PPP1R2: variants seen among roughly 807,000 people sequenced by gnomAD.
PPP1R2 encodes protein phosphatase 1 regulatory inhibitor subunit 2.
PPP1R2 carries 16 observed loss-of-function variants against 29.9 expected under a neutral mutation model. The ratio of observed to expected loss-of-function variants is 0.53; its 90% CI spans 0.36 to 0.81. The LOEUF is 0.81. Among genes scored for constraint, PPP1R2 ranks in the 30% least tolerant of loss-of-function variants. PPP1R2 has a pLI of 0.00. For synonymous variants in PPP1R2, 76 were observed against 91.5 expected, an observed-to-expected ratio of 0.83 and a Z score of 0.96; for missense variants, 197 against 252.7, an observed-to-expected ratio of 0.78 and a Z score of 1.49.
intron 1 of PPP1R2, 35 bp downstream of exon 1, chr3:195,542,869 G>A (rs62288863): frequency 1.9e-6 from 3 of 1,580,094 alleles, no homozygotes; most frequent in African/African-American, 1.4e-5. Context: ...CCGGCGGGAA[G>A]GAGGGGCTCC....
At chr3:195,529,200 C>T (rs35792292) in intron 2 of PPP1R2, 119,395 of 152,082 alleles carry the variant, frequency 0.79, 47,078 homozygotes, top group East Asian at 0.99. Context: ...GTATCTATAC[C>T]TATTTAGAAT....
At chr3:195,533,519 T>C (rs1431911760) in intron 1 of PPP1R2, among the ~76,000 whole-genome samples, 2 of 152,198 alleles carry the variant, frequency 1.3e-5, no homozygotes, top group Non-Finnish European at 2.9e-5. Context: ...TCATACAAAA[T>C]GCCACTAGAG....
chr3:195,537,481 TTGTG>T (rs71180930), intron 1 of PPP1R2, among the ~76,000 whole-genome samples: 167 of 128,560 alleles, frequency 1.3e-3, no homozygotes, highest in East Asian at 8.7e-3. Context: ...GGATTAGCTA[TTGTG>T]TGTGTGTGTG....
intron 1 of PPP1R2, among the ~76,000 whole-genome samples, chr3:195,531,469 T>TCC (rs907639147): frequency 6.6e-6 from 1 of 152,212 alleles, no homozygotes; most frequent in African/African-American, 2.4e-5. Flanking sequence ...AATAACATAT[T>TCC]CCCTTTTCCA....
Position 195,524,838 on chromosome 3 carries a change from G to T in PPP1R2, c.289C>A (p.Pro97Thr), listed in dbSNP as rs200143476. The change falls in exon 3 of 6, where the codon CCA becomes ACA. Residue 97 changes from proline (P) to threonine (T), a missense_variant. Pro to Thr is a conservative substitution (Grantham distance 38, BLOSUM62 -1). This residue lies in a region of PPP1R2 where 135 missense variants were observed against 163.0 expected (regional missense o/e 0.83). Coordinates refer to ENST00000618156, the MANE Select transcript of PPP1R2 (RefSeq NM_006241.8). ...ACTTACTTCCTGGCTAAGATGTCTG[G>T]CGCCATGGCTTCAGTGGCCTCGGTG... ...SDTEATEAMA[P>T]DILARKLAAA... 1 of 1,614,080 alleles carries T rather than the reference G, an allele frequency of 6.2e-7. No individual in the cohort carries two copies. Among genetic ancestry groups the T allele is most frequent in the Non-Finnish European group, 8.5e-7 (1 of 1,180,004 alleles).
At position 195,515,715 on chromosome 3, in the gene PPP1R2, C is replaced by G. The variant is rs1473548237; in HGVS notation, c.*1181G>C. 6.6e-6 allele frequency: 1 copy of G among 152,072 alleles called. No homozygotes were observed. Among genetic ancestry groups the G allele is most frequent in the African/African-American group, 2.4e-5 (1 of 41,436 alleles). 9.4% of individuals were successfully genotyped at this position (152,072 alleles called of 1,614,324 possible). ...TGTACATTCAGGAATAATCATATCA[C>G]TGGTTACATACAATTCTCATGCAAA... On this transcript the variant is annotated 3_prime_UTR_variant, in exon 6 of 6. Transcript: ENST00000618156.
In PPP1R2 at chr3:195,515,451, T is replaced by C. The variant is rs1434142099; in HGVS notation, c.*1445A>G. ...ATATACAGACGTTATTTTAGAAGTC[T>C]GTTCATATAACAGATTATTTTGGTA... On this transcript the variant is annotated 3_prime_UTR_variant, in exon 6 of 6. Coordinates refer to ENST00000618156, the MANE Select transcript of PPP1R2 (RefSeq NM_006241.8). 6.6e-6 allele frequency: 1 copy of C among 152,644 alleles called. No homozygotes were observed. The highest frequency in any genetic ancestry group is 6.5e-5 in the Admixed American group (1 of 15,278). The allele number at this position is 152,644 out of a possible 1,614,324, so 9.5% of individuals were successfully genotyped here.
intron 1 of PPP1R2, among the ~76,000 whole-genome samples, chr3:195,531,142 T>C (rs1416569639): frequency 2.0e-5 from 3 of 152,194 alleles, no homozygotes; most frequent in African/African-American, 7.2e-5. Flanking sequence ...TTTAGAAACA[T>C]CTGTTAAATT....
Position 195,543,223 on chromosome 3 carries a change from G to C in PPP1R2, c.-198C>G. On this transcript the variant is annotated 5_prime_UTR_variant, in exon 1 of 6. Transcript: ENST00000618156. The stretch of plus-strand genomic sequence containing the variant: ...CCGACGCCAGAGCCAACGCCGAACG[G>C]GTGGCGGCTACTCGCGCACCCTTAG... The C allele has an allele frequency of 2.9e-6, 2 of 685,618 alleles. No individual in the cohort carries two copies. Among genetic ancestry groups the C allele is most frequent in the South Asian group, 4.4e-5 (2 of 45,610 alleles). 42.5% of individuals were successfully genotyped at this position (685,618 alleles called of 1,614,324 possible).
intron 1 of PPP1R2, among the ~76,000 whole-genome samples, chr3:195,536,814 A>G (rs1033576453): frequency 9.3e-5 from 14 of 150,696 alleles, no homozygotes; most frequent in South Asian, 6.3e-4. Flanking sequence ...AAAAAAAGAC[A>G]ACGACGACAA....
intron 1 of PPP1R2, among the ~76,000 whole-genome samples, chr3:195,541,837 A>G (rs823517): frequency 0.8 from 122,284 of 152,046 alleles, 49,434 homozygotes; most frequent in East Asian, 0.99. Context: ...ATTCTAACCT[A>G]TGAACCTACT....
At chr3:195,520,875 G>A (rs1718732089) in intron 4 of PPP1R2, among the ~76,000 whole-genome samples, 1 of 151,630 alleles carries the variant, frequency 6.6e-6, no homozygotes, top group African/African-American at 2.4e-5. Context: ...CACCATGTAG[G>A]TCAGGCTGGT....
chr3:195,518,817 T>C (rs1316818258), intron 5 of PPP1R2, among the ~76,000 whole-genome samples: 1 of 151,630 alleles, frequency 6.6e-6, no homozygotes, highest in Non-Finnish European at 1.5e-5. Context: ...ACATATGGTC[T>C]AAAATCAAAT....
chr3:195,542,361 G>T (rs1719628084), intron 1 of PPP1R2, among the ~76,000 whole-genome samples: 1 of 152,096 alleles, frequency 6.6e-6, no homozygotes, highest in Admixed American at 6.5e-5. Flanking sequence ...GCTCCTCTTT[G>T]AACTGTTTTG....
chr3:195,523,657 G>A (rs1424404113), intron 4 of PPP1R2, 35 bp downstream of exon 4: 1 of 1,533,036 alleles, frequency 6.5e-7, no homozygotes, highest in African/African-American at 1.4e-5. Context: ...AAAATTACTA[G>A]CACCATGATG....
chr3:195,532,819 T>C (rs541405164), intron 1 of PPP1R2, among the ~76,000 whole-genome samples: 3 of 152,322 alleles, frequency 2.0e-5, no homozygotes, highest in African/African-American at 7.2e-5. Context: ...AGTTATGTCA[T>C]AAGTGCATTA....
At chr3:195,517,777 A>C (rs1425730929) in intron 5 of PPP1R2, among the ~76,000 whole-genome samples, 1 of 152,188 alleles carries the variant, frequency 6.6e-6, no homozygotes, top group Non-Finnish European at 1.5e-5. Context: ...GCTACTATGT[A>C]AGATGAAGTT....
chr3:195,529,140 G>A (rs1373979403), intron 2 of PPP1R2: 2 of 152,022 alleles, frequency 1.3e-5, no homozygotes, highest in South Asian at 2.1e-4. Flanking sequence ...AAGGTGCTGG[G>A]ATTACAGGCG....
rs1381900861 is a variant in PPP1R2 at position 195,516,859 on chromosome 3, C to T, written c.*37G>A. ...CAACGTACTATAGTCACAGGGTTTA[C>T]ATCTAACAAACAATTGCAGTGTTGA... On this transcript the variant is annotated 3_prime_UTR_variant, in exon 6 of 6. Transcript: ENST00000618156. 6 of 1,582,238 alleles carry T rather than the reference C, an allele frequency of 3.8e-6. No individual in the cohort carries two copies. In the East Asian group the frequency reaches 9.0e-5, roughly 24 times the overall value.
Sources: allele counts gnomAD v4.1 joint callset (sites outside exome capture counted in the v4.1 genomes callset), GRCh38; gene constraint gnomAD v4.1.1; regional missense constraint gnomAD v4.1.1; transcripts MANE v1.5; gene names NCBI Gene and HGNC (gene_info 2026-07-23, HGNC 2026-07-21).